Variants in LRP5 observed in about 807,000 individuals in gnomAD.
LRP5 encodes low-density lipoprotein receptor-related protein 5.
Under a neutral mutation model 154.1 loss-of-function variants are expected in LRP5, and 62 were observed. That is an observed-to-expected ratio of 0.40 (90% confidence interval 0.33 to 0.50). LRP5 has a LOEUF of 0.50. Ranked by LOEUF, LRP5 falls within the 20% of genes least tolerant of loss-of-function variation. The pLI is 0.55. For synonymous variants in LRP5, 966 were observed against 1,011.5 expected (o/e 0.96, Z 0.85); for missense variants, 1,915 against 2,336.7 (o/e 0.82, Z 3.72).
chr11:68,420,030 C>T (rs1051560488), intron 13 of LRP5, among the ~76,000 whole-genome samples: 2 of 152,160 alleles, frequency 1.3e-5, no homozygotes, highest in African/African-American at 4.8e-5. Flanking sequence ...CTCAAGCAGT[C>T]CACCCACCTC....
Position 68,340,977 on chromosome 11 carries a change from C to T in LRP5, c.92-6870C>T, listed in dbSNP as rs184915192. Reference sequence around the variant, plus strand: ...GACATGTCGAACGTTTTGTTGTTACCGCAGTCATTTTGTTACTAGTTAATT... The same window carrying T: ...GACATGTCGAACGTTTTGTTGTTACTGCAGTCATTTTGTTACTAGTTAATT... On this transcript the variant is annotated intron_variant, in intron 1 of 22. Transcript: ENST00000294304. Among the ~76,000 whole-genome samples the T allele has an allele frequency of 4.1e-3, 612 of 148,956 alleles. 3 individuals carry two copies. Among genetic ancestry groups the T allele is most frequent in the African/African-American group, 0.014 (562 of 40,212 alleles).
intron 17 of LRP5, 148 bp from the exon 18 acceptor site, chr11:68,433,454 A>G: frequency 2.6e-6 from 2 of 763,146 alleles, no homozygotes; most frequent in South Asian, 2.9e-5. Flanking sequence ...GCAGCGATGG[A>G]GGATGTGCGG....
chr11:68,306,317 G>A, the LRP5 span, among the ~76,000 whole-genome samples: 1 of 152,082 alleles, frequency 6.6e-6, no homozygotes, highest in Non-Finnish European at 1.5e-5. Flanking sequence ...TGTATTTTTA[G>A]TAGAGATGGG....
chr11:68,430,566 G>A (rs914677166), intron 17 of LRP5, among the ~76,000 whole-genome samples: 1 of 152,160 alleles, frequency 6.6e-6, no homozygotes, highest in African/African-American at 2.4e-5. Flanking sequence ...GTTGTTGGGT[G>A]GAGTGTTCCA....
intron 5 of LRP5, among the ~76,000 whole-genome samples, chr11:68,371,059 T>C (rs1468333370): frequency 6.6e-6 from 1 of 152,132 alleles, no homozygotes; most frequent in Non-Finnish European, 1.5e-5. Context: ...ATTAACAGGC[T>C]GGTGCTCGGT....
intron 3 of LRP5, 53 bp from the exon 4 acceptor site, chr11:68,363,694 G>A (rs1356042409): frequency 2.2e-6 from 3 of 1,395,126 alleles, no homozygotes. Context: ...CAGCAGCAAT[G>A]ACTGTCGGGG....
chr11:68,403,122 G>A (rs1170714093), intron 7 of LRP5, among the ~76,000 whole-genome samples: 1 of 152,146 alleles, frequency 6.6e-6, no homozygotes, highest in African/African-American at 2.4e-5. Flanking sequence ...GCGGGTACCT[G>A]TAATCCGAGC....
At chr11:68,321,631 T>C (rs941342056) in intron 1 of LRP5, among the ~76,000 whole-genome samples, 1 of 152,154 alleles carries the variant, frequency 6.6e-6, no homozygotes, top group African/African-American at 2.4e-5. Flanking sequence ...CCCGAGCCAC[T>C]CCTGCTGCCC....
rs1241789358 is a variant in LRP5, at chr11:68,363,666, AAAAG to A, written c.687-77_687-74del. 5.7e-5 allele frequency: 70 copies of A among 1,232,854 alleles called. No individual in the cohort carries two copies. The Admixed American group carries it at 1.3e-3, about 24-fold the overall frequency. The allele number at this position is 1,232,854 out of a possible 1,614,324, so 76.4% of individuals were successfully genotyped here. A position where few individuals can be genotyped will look rare whatever the true frequency, so the allele number is the denominator to read the frequency against. On this transcript the variant is annotated intron_variant, in intron 3 of 22. Transcript: ENST00000294304. ...ACCGAGACTCCATCTCAAAAAAAAA[AAAAG>A]AAATTAATTGGGTCAGCAGCAATGA...
At chr11:68,370,252 C>G (rs758956307) in intron 5 of LRP5, among the ~76,000 whole-genome samples, 21 of 152,174 alleles carry the variant, frequency 1.4e-4, no homozygotes, top group Non-Finnish European at 2.5e-4. Context: ...TGGCTGAGCC[C>G]TTCAAGGGCA....
At chr11:68,369,298 G>A (rs1211742168) in intron 5 of LRP5, among the ~76,000 whole-genome samples, 1 of 152,134 alleles carries the variant, frequency 6.6e-6, no homozygotes, top group Non-Finnish European at 1.5e-5. Context: ...GGAGTTAGAG[G>A]GAGCAGGGCC....
chr11:68,446,550 A>T lies in LRP5; in HGVS notation c.4586+17A>T, dbSNP rs767699485. ...ACCGTACAGGTAGGACATCCCCTGCAGCCCTCCATGGCCATTGGGTTCCCG... is the reference window on the plus strand; with the variant it reads ...ACCGTACAGGTAGGACATCCCCTGCTGCCCTCCATGGCCATTGGGTTCCCG... On this transcript the variant is annotated intron_variant, in intron 22 of 22. Coordinates refer to ENST00000294304, the MANE Select transcript of LRP5 (RefSeq NM_002335.4). The T allele has an allele frequency of 1.9e-6, 3 of 1,601,798 alleles. No individual in the cohort carries two copies. Among genetic ancestry groups the T allele is most frequent in the Non-Finnish European group, 2.6e-6 (3 of 1,168,964 alleles).
At chr11:68,321,058 GTTTTTT>G (rs36049256) in intron 1 of LRP5, among the ~76,000 whole-genome samples, 1 of 119,796 alleles carries the variant, frequency 8.3e-6, no homozygotes, top group Admixed American at 8.7e-5. Context: ...TTCTGTCTGG[GTTTTTT>G]TTTTTTTTTT....
intron 17 of LRP5, among the ~76,000 whole-genome samples, chr11:68,430,861 C>A (rs566650877): frequency 6.6e-6 from 1 of 152,328 alleles, no homozygotes; most frequent in Non-Finnish European, 1.5e-5. Context: ...GGCTCTGTCA[C>A]TTCCCAGTTG....
In LRP5 at chr11:68,447,643, C is replaced by G. The variant is rs934914053; in HGVS notation, c.4586+1110C>G. Among the ~76,000 whole-genome samples the G allele has an allele frequency of 1.3e-5, 2 of 152,148 alleles. No individual in the cohort carries two copies. The highest frequency in any genetic ancestry group is 2.4e-5 in the African/African-American group (1 of 41,432). ...CATGCCCGTCCTGCTCTGGGCCCACCGCGGACACATCTTCCCCCCGCCCGC... is the reference window on the plus strand; with the variant it reads ...CATGCCCGTCCTGCTCTGGGCCCACGGCGGACACATCTTCCCCCCGCCCGC... On this transcript the variant is annotated intron_variant, in intron 22 of 22. Coordinates refer to ENST00000294304, the MANE Select transcript of LRP5 (RefSeq NM_002335.4). The surrounding 1 kb of genome is among the most constrained non-coding windows in gnomAD (Gnocchi z 4.3).
intron 5 of LRP5, among the ~76,000 whole-genome samples, chr11:68,378,695 T>C (rs2098638752): frequency 6.6e-6 from 1 of 152,160 alleles, no homozygotes; most frequent in South Asian, 2.1e-4. Flanking sequence ...CACACAGACT[T>C]AGTTGTGTCC....
intron 1 of LRP5, among the ~76,000 whole-genome samples, chr11:68,326,794 C>T (rs1470986424): frequency 2.6e-5 from 4 of 152,244 alleles, no homozygotes; most frequent in Non-Finnish European, 5.9e-5. Flanking sequence ...GTGTAGGAGA[C>T]GTGTGTCTCC....
At chr11:68,395,571 G>C (rs1038867946) in intron 7 of LRP5, among the ~76,000 whole-genome samples, 4 of 152,078 alleles carry the variant, frequency 2.6e-5, no homozygotes, top group African/African-American at 9.7e-5. Context: ...CCCTTTATAT[G>C]CTTACACAGG....
In LRP5 at chr11:68,438,668, A is replaced by G. The variant is rs1314307072; in HGVS notation, c.4334A>G (p.His1445Arg). ...LNFIAPGGSQ[H>R]GPFTGIACGK... ...TTCATAGCCCCGGGCGGTTCCCAGCATGGCCCCTTCACAGGTAAGGAGCCT... is the reference window on the plus strand; with the variant it reads ...TTCATAGCCCCGGGCGGTTCCCAGCGTGGCCCCTTCACAGGTAAGGAGCCT... The change falls in exon 20 of 23, where the codon CAT becomes CGT. Residue 1445 changes from histidine to arginine, a missense_variant. Transcript: ENST00000294304. The G allele has an allele frequency of 1.2e-6, 2 of 1,612,740 alleles. No individual in the cohort carries two copies. The highest frequency in any genetic ancestry group is 8.5e-7 in the Non-Finnish European group (1 of 1,179,962).
Sources: allele counts gnomAD v4.1 joint callset (sites outside exome capture counted in the v4.1 genomes callset), GRCh38; gene constraint gnomAD v4.1.1; non-coding constraint Gnocchi (gnomAD v3.1); transcripts MANE v1.5; gene names NCBI Gene and HGNC (gene_info 2026-07-23, HGNC 2026-07-21).